Variants in LRRC42 observed in about 807,000 individuals in gnomAD.
LRRC42 encodes the protein leucine rich repeat containing 42, also known as leucine-rich repeat-containing protein 42.
In LRRC42, 43 loss-of-function variants were observed where a neutral mutation model predicts 44.3. The ratio of observed to expected loss-of-function variants is 0.97; its 90% CI spans 0.76 to 1.25. LRRC42 has a LOEUF of 1.25. LRRC42 is among the 50% of genes most tolerant of loss of function. LRRC42 has a pLI of 0.00. For missense variants in LRRC42, 540 were observed against 509.1 expected, an observed-to-expected ratio of 1.06 and a Z score of -0.58; for synonymous variants, 207 against 195.2, an observed-to-expected ratio of 1.06 and a Z score of -0.50.
chr1:53,954,957 T>TA (rs1308198377), intron 3 of LRRC42, among the ~76,000 whole-genome samples: 1 of 152,248 alleles, frequency 6.6e-6, no homozygotes, highest in Non-Finnish European at 1.5e-5. Context: ...TATTTTTACA[T>TA]AAGAGTGTTC....
chr1:53,947,497 T>C (rs1246643059), intron 1 of LRRC42, among the ~76,000 whole-genome samples: 1 of 152,168 alleles, frequency 6.6e-6, no homozygotes. Context: ...TTATTGGTGG[T>C]TTAGAACTAC....
chr1:53,953,830 C>G lies in LRRC42; in HGVS notation c.473+1358C>G, dbSNP rs61774854. On this transcript the variant is annotated intron_variant, in intron 3 of 8. Transcript: ENST00000371370. ...CACTGCAACCTCCACCTCCCAGGTT[C>G]AGGCAATTCTCCTGACTCAGCCTCC... is the stretch of plus-strand genomic sequence containing the variant. Among the ~76,000 whole-genome samples, 1,433 of 152,106 alleles carry G rather than the reference C, an allele frequency of 9.4e-3. 11 individuals carry two copies. The highest frequency in any genetic ancestry group is 0.014 in the Non-Finnish European group (957 of 67,998).
chr1:53,953,610 C>T (rs1235324637), intron 3 of LRRC42, among the ~76,000 whole-genome samples: 1 of 152,134 alleles, frequency 6.6e-6, no homozygotes, highest in South Asian at 2.1e-4. Flanking sequence ...CCTCCCGCCT[C>T]AGCCTCCTAA....
At chr1:53,964,352 T>G (rs1019319602) in intron 7 of LRRC42, among the ~76,000 whole-genome samples, 2 of 152,142 alleles carry the variant, frequency 1.3e-5, no homozygotes, top group Non-Finnish European at 2.9e-5. Context: ...TTCACTGTTC[T>G]CAGAGCTCCA....
rs369803249 is a variant in LRRC42 at position 53,965,629 on chromosome 1, G to A, written c.928-667G>A. 4.2e-3 allele frequency among the ~76,000 whole-genome samples: 633 copies of A among 151,674 alleles called. 6 individuals carry two copies. Among genetic ancestry groups the A allele is most frequent in the Middle Eastern group, 0.031 (9 of 294 alleles). On this transcript the variant is annotated intron_variant, in intron 7 of 8. Transcript: ENST00000371370. ...CGAGTAGCTGGGACTACAGGCGCCT[G>A]CCCAGCTAATTTTTTTTTTGTATTT...
chr1:53,962,186 A>T (rs1187909880), intron 6 of LRRC42, 64 bp downstream of exon 6: 1 of 1,493,870 alleles, frequency 6.7e-7, no homozygotes, highest in Non-Finnish European at 9.3e-7. Context: ...TGCCTGTGCT[A>T]ATTGGTATTT....
intron 7 of LRRC42, 86 bp downstream of exon 7, chr1:53,962,495 A>G: frequency 4.8e-6 from 4 of 836,106 alleles, no homozygotes; most frequent in South Asian, 1.5e-5. Flanking sequence ...ATAAACAGTA[A>G]TCCACTTGGT....
chr1:53,952,113 G>A lies in LRRC42; in HGVS notation c.114G>A (p.Leu38=). 6.2e-7 allele frequency: 1 copy of A among 1,614,228 alleles called. No individual in the cohort carries two copies. Among genetic ancestry groups the A allele is most frequent in the Non-Finnish European group, 8.5e-7 (1 of 1,180,034 alleles). The change falls in exon 3 of 9, where the codon CTG becomes CTA. Residue 38 remains leucine (L), a synonymous_variant. Transcript: ENST00000371370. ...CTCTGGATGGTGTCAGGAGTAGCCT[G>A]CAGAAGCCAAGGCCTTTCAGACTGT... ...NLALDGVRSS[L]QKPRPFRLFP...
intron 5 of LRRC42, among the ~76,000 whole-genome samples, chr1:53,961,390 G>A (rs953388857): frequency 1.3e-5 from 2 of 151,482 alleles, no homozygotes; most frequent in Non-Finnish European, 2.9e-5. Flanking sequence ...CAGCCTGGGT[G>A]ACAGAGCAAG....
At chr1:53,965,907 T>C (rs1226182606) in intron 7 of LRRC42, among the ~76,000 whole-genome samples, 1 of 152,248 alleles carries the variant, frequency 6.6e-6, no homozygotes, top group African/African-American at 2.4e-5. Flanking sequence ...GTTTGAGTTA[T>C]AGTTGGCATA....
At chr1:53,951,166 GTTAT>G (rs1654667757) in intron 2 of LRRC42, among the ~76,000 whole-genome samples, 1 of 152,184 alleles carries the variant, frequency 6.6e-6, no homozygotes, top group African/African-American at 2.4e-5. Flanking sequence ...TAGCAAGGGA[GTTAT>G]TTATTTCTAG....
chr1:53,960,391 C>A lies in LRRC42; in HGVS notation c.641C>A (p.Ser214Tyr). 3 of 1,613,764 alleles carry A rather than the reference C, an allele frequency of 1.9e-6. No individual in the cohort carries two copies. The highest frequency in any genetic ancestry group is 2.5e-6 in the Non-Finnish European group (3 of 1,179,896). The part of the protein sequence containing the change: ...TQLHLKDNCL[S>Y]DAGVRKMTAP... ...CTCCACCTGAAGGATAATTGTTTAT[C>A]TGATGCTGGGGTGCGGAAGATGACA... Residue 214 changes from serine (S) to tyrosine (Y), a missense_variant, in exon 5 of 9, where the codon TCT (serine) becomes TAT (tyrosine). By Grantham distance (144) the Ser-to-Tyr change is moderately radical. Coordinates refer to ENST00000371370, the MANE Select transcript of LRRC42 (RefSeq NM_001256409.2).
Position 53,966,288 on chromosome 1 carries a change from T to A in LRRC42, c.928-8T>A, listed in dbSNP as rs754980437. On this transcript the variant is annotated splice_region_variant and splice_polypyrimidine_tract_variant and intron_variant, in intron 7 of 8. Transcript: ENST00000371370. ...GTTTGGATTCAAATCTTTCCAAATA[T>A]GTTTCAGATCGTTCTGCAGTGGGAG... is the stretch of plus-strand genomic sequence containing the variant. 6.2e-6 allele frequency: 10 copies of A among 1,608,200 alleles called. No homozygotes were observed. Among genetic ancestry groups the A allele is most frequent in the Non-Finnish European group, 8.5e-6 (10 of 1,174,848 alleles).
chr1:53,949,779 A>G (rs1654622530), intron 2 of LRRC42, among the ~76,000 whole-genome samples: 1 of 152,160 alleles, frequency 6.6e-6, no homozygotes, highest in South Asian at 2.1e-4. Flanking sequence ...CAGTAGCAAT[A>G]TATTCCCATC....
intron 2 of LRRC42, among the ~76,000 whole-genome samples, chr1:53,949,910 A>G (rs1163827433): frequency 6.6e-6 from 1 of 152,240 alleles, no homozygotes; most frequent in Non-Finnish European, 1.5e-5. Context: ...AACTGAGAGC[A>G]CCAAGTTTGT....
At position 53,952,470 on chromosome 1, in the gene LRRC42, CA is replaced by C; in HGVS notation, c.472del (p.Arg158GlyfsTer4). 1.3e-6 allele frequency: 2 copies of C among 1,590,802 alleles called. No individual in the cohort carries two copies. The highest frequency in any genetic ancestry group is 1.7e-6 in the Non-Finnish European group (2 of 1,164,084). On this transcript the variant is annotated frameshift_variant and splice_region_variant, in exon 3 of 9. Coordinates refer to ENST00000371370, the MANE Select transcript of LRRC42 (RefSeq NM_001256409.2). LOFTEE classifies it high-confidence loss of function. ...TGCTTTGCTCCCTGTGTTTGCGAAA[CA>C]GGTGGGTGTTCTGATTAGATTATTC... The part of the protein sequence containing the change: ...LVLCSLCLRN[R>X]YLVISEKLEE...
intron 7 of LRRC42, 118 bp downstream of exon 7, chr1:53,962,527 C>A: frequency 1.4e-6 from 1 of 696,482 alleles, no homozygotes; most frequent in Non-Finnish European, 2.5e-6. Context: ...AAATTGTCAT[C>A]TTCATGTCAA....
intron 7 of LRRC42, among the ~76,000 whole-genome samples, chr1:53,964,036 T>C (rs1479156279): frequency 1.4e-5 from 2 of 144,776 alleles, no homozygotes; most frequent in African/African-American, 5.1e-5. Context: ...TTGGTCCTCA[T>C]TCCCCAGTGC....
chr1:53,952,049 A>T lies in LRRC42; in HGVS notation c.50A>T (p.Tyr17Phe), dbSNP rs1336996155. Residue 17 changes from tyrosine (Y) to phenylalanine (F), a missense_variant, in exon 3 of 9, where the codon TAC becomes TTC. By Grantham distance (22) the Tyr-to-Phe change is conservative. Coordinates refer to ENST00000371370, the MANE Select transcript of LRRC42 (RefSeq NM_001256409.2). ...SENHLDPGPI[Y>F]MRENGQLHMV... is the part of the protein sequence containing the mutation. The stretch of plus-strand genomic sequence containing the variant: ...AACCACCTGGACCCAGGGCCCATCT[A>T]CATGCGAGAAAATGGGCAGCTGCAC... 4 of 1,614,172 alleles carry T rather than the reference A, an allele frequency of 2.5e-6. No homozygotes were observed. The highest frequency in any genetic ancestry group is 2.2e-5 in the South Asian group (2 of 91,082).
Sources: gnomAD v4.1 joint callset for allele counts (sites outside exome capture counted in the v4.1 genomes callset) on GRCh38, gnomAD v4.1.1 for gene constraint, MANE v1.5 for transcripts, NCBI Gene and HGNC (gene_info 2026-07-23, HGNC 2026-07-21) for gene names.